The following EIF4G3 variants were observed in gnomAD, a reference collection of about 807,000 sequenced individuals.
EIF4G3 encodes eukaryotic translation initiation factor 4 gamma 3.
In EIF4G3, 34 loss-of-function variants were observed where a neutral mutation model predicts 186.4. The observed-to-expected ratio is 0.18, with a 90% CI of 0.14 to 0.24. The LOEUF is 0.24. Among genes scored for constraint, EIF4G3 ranks in the 10% least tolerant of loss-of-function variants. EIF4G3 has a pLI of 1.00. For missense variants in EIF4G3, 1,536 were observed against 1,948.5 expected, an observed-to-expected ratio of 0.79 and a Z score of 3.99; for synonymous variants, 673 against 679.5, an observed-to-expected ratio of 0.99 and a Z score of 0.15.
intron 7 of EIF4G3, among the ~76,000 whole-genome samples, chr1:20,994,628 C>CAT (rs5772927): frequency 8.0e-6 from 1 of 124,482 alleles, no homozygotes; most frequent in Admixed American, 8.7e-5. Context: ...AACATATATA[C>CAT]TTTTTTTTTT....
At chr1:21,014,993 G>T (rs1040456988) in intron 4 of EIF4G3, among the ~76,000 whole-genome samples, 1 of 151,360 alleles carries the variant, frequency 6.6e-6, no homozygotes, top group Non-Finnish European at 1.5e-5. Flanking sequence ...GAAAGGTGGT[G>T]GGGGGGAGGA....
At chr1:21,053,644 C>T (rs1231169683) in intron 3 of EIF4G3, among the ~76,000 whole-genome samples, 2 of 140,156 alleles carry the variant, frequency 1.4e-5, no homozygotes, top group Non-Finnish European at 3.2e-5. Flanking sequence ...AGGTGAGGGG[C>T]GCCTCTGCCC....
intron 2 of EIF4G3, among the ~76,000 whole-genome samples, chr1:21,142,424 T>C (rs1463113318): frequency 6.6e-6 from 1 of 152,136 alleles, no homozygotes; most frequent in Non-Finnish European, 1.5e-5. Context: ...GGAGGATCGC[T>C]TGAGCCTGGA....
At chr1:21,053,384 C>T (rs575462477) in intron 3 of EIF4G3, among the ~76,000 whole-genome samples, 1 of 149,618 alleles carries the variant, frequency 6.7e-6, no homozygotes, top group African/African-American at 2.4e-5. Flanking sequence ...GTCAGCCCCC[C>T]GCCCGGACAG....
chr1:20,939,412 T>C (rs745373595), intron 14 of EIF4G3, among the ~76,000 whole-genome samples: 2 of 152,176 alleles, frequency 1.3e-5, no homozygotes, highest in Non-Finnish European at 2.9e-5. Flanking sequence ...AATACTAATA[T>C]TGAGAGCATC....
chr1:20,871,143 T>A (rs1429813048), intron 20 of EIF4G3, among the ~76,000 whole-genome samples: 4 of 152,178 alleles, frequency 2.6e-5, no homozygotes, highest in African/African-American at 9.7e-5. Flanking sequence ...ACCTAATCAC[T>A]GCAAAGTTAC....
In EIF4G3 at chr1:21,069,435, G is replaced by C. The variant is rs192652557; in HGVS notation, c.-195-18441C>G. Reference sequence around the variant, plus strand: ...ATCACCATCTTGCCTGGTAAAATGAGCACTCTTAAAGACAAGGATCATAGT... The same window carrying C: ...ATCACCATCTTGCCTGGTAAAATGACCACTCTTAAAGACAAGGATCATAGT... On this transcript the variant is annotated intron_variant, in intron 3 of 36. Coordinates refer to ENST00000602326, the MANE Select transcript of EIF4G3 (RefSeq NM_001391906.1). Among the ~76,000 whole-genome samples the C allele has an allele frequency of 1.1e-4, 16 of 152,262 alleles. No homozygotes were observed. The East Asian group carries it at 2.7e-3, about 26-fold the overall frequency.
intron 4 of EIF4G3, among the ~76,000 whole-genome samples, chr1:21,024,191 G>A (rs955106889): frequency 6.7e-6 from 1 of 149,822 alleles, no homozygotes; most frequent in African/African-American, 2.5e-5. Context: ...CCCCCGCCCG[G>A]CCAGCCGCCC....
chr1:20,890,525 C>G (rs887937852), intron 18 of EIF4G3, among the ~76,000 whole-genome samples: 8 of 152,286 alleles, frequency 5.3e-5, no homozygotes, highest in Non-Finnish European at 8.8e-5. Flanking sequence ...TCACTGCAGC[C>G]TCTGTCTCCA....
At chr1:21,021,158 A>ATTT (rs983099202) in intron 4 of EIF4G3, among the ~76,000 whole-genome samples, 5 of 151,982 alleles carry the variant, frequency 3.3e-5, no homozygotes, top group African/African-American at 1.2e-4. Flanking sequence ...TAATTTTTGA[A>ATTT]TTTTTAGTAG....
At chr1:21,046,219 G>A (rs2093877587) in intron 4 of EIF4G3, among the ~76,000 whole-genome samples, 1 of 152,194 alleles carries the variant, frequency 6.6e-6, no homozygotes, top group Non-Finnish European at 1.5e-5. Context: ...AAGAATCTAT[G>A]CCTATAAAGA....
chr1:20,818,103 G>A (rs1571022400), intron 33 of EIF4G3, among the ~76,000 whole-genome samples: 2 of 152,180 alleles, frequency 1.3e-5, no homozygotes, highest in Non-Finnish European at 2.9e-5. Flanking sequence ...ATGGTTACAC[G>A]CAAATAATCT....
intron 4 of EIF4G3, among the ~76,000 whole-genome samples, chr1:21,008,831 C>T (rs2086095718): frequency 6.6e-6 from 1 of 152,046 alleles, no homozygotes; most frequent in Non-Finnish European, 1.5e-5. Context: ...AGAAACATTT[C>T]AAATTAATAG....
chr1:20,924,108 T>C (rs866143826), intron 14 of EIF4G3, among the ~76,000 whole-genome samples: 1 of 152,178 alleles, frequency 6.6e-6, no homozygotes, highest in Non-Finnish European at 1.5e-5. Context: ...GTTTCCAGTT[T>C]GAATATCTTC....
intron 2 of EIF4G3, among the ~76,000 whole-genome samples, chr1:21,091,549 G>C (rs1405501831): frequency 6.6e-6 from 1 of 152,042 alleles, no homozygotes; most frequent in Non-Finnish European, 1.5e-5. Flanking sequence ...GCCAGCTCCA[G>C]CCTAGACCAC....
chr1:20,847,002 G>A (rs1226621696), intron 29 of EIF4G3, among the ~76,000 whole-genome samples: 1 of 152,176 alleles, frequency 6.6e-6, no homozygotes, highest in African/African-American at 2.4e-5. Context: ...TTTAAGATCA[G>A]CTCTTTAAGT....
intron 14 of EIF4G3, among the ~76,000 whole-genome samples, chr1:20,936,551 A>C (rs1573119487): frequency 1.3e-5 from 2 of 152,246 alleles, no homozygotes; most frequent in African/African-American, 4.8e-5. Context: ...TAAATCTTCC[A>C]GAGATATTTC....
intron 2 of EIF4G3, among the ~76,000 whole-genome samples, chr1:21,156,433 ATC>A (rs971567198): frequency 7.2e-5 from 11 of 152,164 alleles, no homozygotes; most frequent in African/African-American, 2.4e-4. Flanking sequence ...ATTTCTGCTC[ATC>A]TGACTTCCAT....
intron 2 of EIF4G3, 64 bp downstream of exon 2, chr1:21,176,111 T>C: frequency 3.3e-6 from 1 of 301,728 alleles, no homozygotes; most frequent in Non-Finnish European, 6.1e-6. Context: ...TCCCCTGGGC[T>C]GCGGGGTCCC....
Sources: gnomAD v4.1 joint callset for allele counts (sites outside exome capture counted in the v4.1 genomes callset) on GRCh38, gnomAD v4.1.1 for gene constraint, MANE v1.5 for transcripts, NCBI Gene and HGNC (gene_info 2026-07-23, HGNC 2026-07-21) for gene names.